ALDH5A1: variants seen among roughly 807,000 people sequenced by gnomAD.
ALDH5A1 encodes aldehyde dehydrogenase 5 family member A1, also known as succinate-semialdehyde dehydrogenase, mitochondrial.
ALDH5A1 carries 33 observed loss-of-function variants against 54.7 expected under a neutral mutation model. The observed-to-expected ratio is 0.60, with a 90% CI of 0.46 to 0.81. The LOEUF (loss-of-function observed/expected upper bound fraction) is 0.81, where lower values mean the gene tolerates loss of function less well. Ranked by LOEUF, ALDH5A1 falls within the 30% of genes least tolerant of loss-of-function variation. ALDH5A1 has a pLI of 0.00. For missense variants in ALDH5A1, 657 were observed against 711.0 expected, an observed-to-expected ratio of 0.92 and a Z score of 0.86; for synonymous variants, 294 against 292.7, an observed-to-expected ratio of 1.00 and a Z score of -0.05.
intron 4 of ALDH5A1, among the ~76,000 whole-genome samples, chr6:24,505,795 C>G (rs1008357187): frequency 6.6e-6 from 1 of 151,904 alleles, no homozygotes; most frequent in Non-Finnish European, 1.5e-5. Flanking sequence ...ATGCTGAAAC[C>G]CTGTCTCTAC....
intron 8 of ALDH5A1, among the ~76,000 whole-genome samples, chr6:24,530,703 T>C (rs996266961): frequency 1.3e-5 from 2 of 152,230 alleles, no homozygotes; most frequent in Admixed American, 6.5e-5. Flanking sequence ...TGGAATAGGT[T>C]GGGGAGAAGA....
chr6:24,497,207 G>T (rs1206254452), intron 1 of ALDH5A1, among the ~76,000 whole-genome samples: 1 of 152,142 alleles, frequency 6.6e-6, no homozygotes, highest in Non-Finnish European at 1.5e-5. Context: ...GGGCGTGGTG[G>T]CCAGCTTTTT....
At chr6:24,512,793 G>A (rs548218901) in intron 4 of ALDH5A1, among the ~76,000 whole-genome samples, 7 of 152,264 alleles carry the variant, frequency 4.6e-5, no homozygotes, top group Non-Finnish European at 1.0e-4. Flanking sequence ...TGGTTCAAGC[G>A]ATTCTCCTTC....
rs1759719193 is a variant in ALDH5A1, at chr6:24,522,736, C to T, written c.1015-31C>T. The T allele has an allele frequency of 5.6e-6, 9 of 1,612,458 alleles. No homozygotes were observed. In the South Asian group the frequency reaches 9.9e-5, roughly 18 times the overall value. On this transcript the variant is annotated intron_variant, in intron 6 of 9. Coordinates refer to ENST00000357578, the MANE Select transcript of ALDH5A1 (RefSeq NM_001080.3). ...GGTCAGGTCTGCAGCTTCTGACAGA[C>T]TGTGTGGGTTTGTTTTTGTCTCCTG... is the stretch of plus-strand genomic sequence containing the variant.
intron 7 of ALDH5A1, among the ~76,000 whole-genome samples, chr6:24,523,703 C>T (rs528238357): frequency 4.6e-5 from 7 of 152,308 alleles, no homozygotes; most frequent in African/African-American, 1.7e-4. Context: ...GGCTGTAATG[C>T]TGATGTTGTC....
intron 4 of ALDH5A1, 114 bp downstream of exon 4, chr6:24,505,099 C>A: frequency 1.9e-6 from 2 of 1,069,166 alleles, no homozygotes; most frequent in African/African-American, 1.5e-5. Context: ...CCTCCTGATG[C>A]ATGGTGTTGT....
intron 4 of ALDH5A1, among the ~76,000 whole-genome samples, chr6:24,513,824 C>T (rs894901899): frequency 2.2e-4 from 34 of 151,800 alleles, no homozygotes; most frequent in African/African-American, 7.5e-4. Flanking sequence ...CCCCCTGCTT[C>T]CTCTCACACA....
chr6:24,508,361 C>CAA (rs1214819272), intron 4 of ALDH5A1, among the ~76,000 whole-genome samples: 973 of 12,944 alleles, frequency 0.075, 141 homozygotes, highest in African/African-American at 0.18. Context: ...ACTCCATCTC[C>CAA]AAAAAAAAAA....
At chr6:24,506,953 T>C (rs1324712521) in intron 4 of ALDH5A1, among the ~76,000 whole-genome samples, 3 of 152,234 alleles carry the variant, frequency 2.0e-5, no homozygotes, top group African/African-American at 7.2e-5. Flanking sequence ...GTCTCCTTTT[T>C]CTGTTTCAGG....
At chr6:24,495,685 G>T (rs753638209) in intron 1 of ALDH5A1, among the ~76,000 whole-genome samples, 32 of 152,314 alleles carry the variant, frequency 2.1e-4, no homozygotes, top group Non-Finnish European at 3.4e-4. Flanking sequence ...GGAGAAAGGG[G>T]AGGGGTGTCA....
intron 1 of ALDH5A1, 46 bp from the exon 2 acceptor site, chr6:24,502,477 A>G (rs1476099890): frequency 7.3e-7 from 1 of 1,370,268 alleles, no homozygotes. Flanking sequence ...ATTCTGTCTT[A>G]CACTTGGCAT....
In ALDH5A1 at chr6:24,537,077, TA is replaced by T. The variant is rs950650619; in HGVS notation, c.*3368del. On this transcript the variant is annotated 3_prime_UTR_variant, in exon 10 of 10. Coordinates refer to ENST00000357578, the MANE Select transcript of ALDH5A1 (RefSeq NM_001080.3). ...GGGAATGAGTGTGGTAAGAAATTTATAAAGTTTTGCTTTTAAAACGTGGACA... is the reference window on the plus strand; with the variant it reads ...GGGAATGAGTGTGGTAAGAAATTTATAAGTTTTGCTTTTAAAACGTGGACA... The T allele has an allele frequency of 6.6e-6, 1 of 152,660 alleles. No individual in the cohort carries two copies. Among genetic ancestry groups the T allele is most frequent in the Non-Finnish European group, 1.5e-5 (1 of 68,040 alleles). 9.5% of individuals were successfully genotyped at this position (152,660 alleles called of 1,614,324 possible).
intron 6 of ALDH5A1, among the ~76,000 whole-genome samples, chr6:24,521,359 C>T (rs1373569077): frequency 1.3e-5 from 2 of 152,242 alleles, no homozygotes; most frequent in Non-Finnish European, 2.9e-5. Context: ...CGTCTTTGGG[C>T]CACAGTGTCA....
At chr6:24,513,129 G>A (rs979898925) in intron 4 of ALDH5A1, among the ~76,000 whole-genome samples, 9 of 150,882 alleles carry the variant, frequency 6.0e-5, no homozygotes, top group African/African-American at 1.5e-4. Context: ...TTGCTATCAC[G>A]GCTCACTGCA....
At chr6:24,531,235 G>T (rs370099587) in intron 8 of ALDH5A1, among the ~76,000 whole-genome samples, 4 of 152,170 alleles carry the variant, frequency 2.6e-5, no homozygotes, top group African/African-American at 4.8e-5. Flanking sequence ...TTATTCCACT[G>T]TTGGGGAAAT....
In ALDH5A1 at chr6:24,510,354, T is replaced by G. The variant is rs376348868; in HGVS notation, c.727-4813T>G. On this transcript the variant is annotated intron_variant, in intron 4 of 9. Coordinates refer to ENST00000357578, the MANE Select transcript of ALDH5A1 (RefSeq NM_001080.3). Reference sequence around the variant, plus strand: ...GGTGTAGTTTAAATCTAGTGTTTCTTTGTTAACTTTCTGTCTTGATGACCT... The same window carrying G: ...GGTGTAGTTTAAATCTAGTGTTTCTGTGTTAACTTTCTGTCTTGATGACCT... Among the ~76,000 whole-genome samples the G allele has an allele frequency of 6.4e-4, 97 of 152,274 alleles. 1 individual carries two copies. Among genetic ancestry groups the G allele is most frequent in the African/African-American group, 2.2e-3 (90 of 41,546 alleles).
chr6:24,532,202 C>A, intron 9 of ALDH5A1, 25 bp downstream of exon 9: 1 of 1,610,552 alleles, frequency 6.2e-7, no homozygotes, highest in South Asian at 1.1e-5. Flanking sequence ...TTGTTCAATA[C>A]CAGTCATAAT....
Position 24,511,629 on chromosome 6 carries a change from C to T in ALDH5A1, c.727-3538C>T, listed in dbSNP as rs570310129. 7.3e-5 allele frequency among the ~76,000 whole-genome samples: 11 copies of T among 151,690 alleles called. No individual in the cohort carries two copies. In the South Asian group the frequency reaches 2.1e-3, roughly 29 times the overall value. On this transcript the variant is annotated intron_variant, in intron 4 of 9. Transcript: ENST00000357578. The stretch of plus-strand genomic sequence containing the variant: ...ATTCTATTGCTGAGGCTTTCCAGAA[C>T]ATTTTGCATTTCTATAAGTGCACCC...
chr6:24,506,508 C>T (rs1363738950), intron 4 of ALDH5A1, among the ~76,000 whole-genome samples: 1 of 152,002 alleles, frequency 6.6e-6, no homozygotes, highest in Non-Finnish European at 1.5e-5. Context: ...GCCTCGGCCT[C>T]CCAAAGTGCT....
Sources: gnomAD v4.1 joint callset for allele counts (sites outside exome capture counted in the v4.1 genomes callset) on GRCh38, gnomAD v4.1.1 for gene constraint, MANE v1.5 for transcripts, NCBI Gene and HGNC (gene_info 2026-07-23, HGNC 2026-07-21) for gene names.